Variants in POLE2 observed in about 807,000 individuals in gnomAD.
POLE2 encodes DNA polymerase epsilon subunit 2.
Under a neutral mutation model 79.4 loss-of-function variants are expected in POLE2, and 56 were observed. That is an observed-to-expected ratio of 0.71 (90% CI 0.57 to 0.88). The LOEUF is 0.88. POLE2 is among the 40% of genes least tolerant of loss of function. The probability of loss-of-function intolerance (pLI) is 0.00; values close to 1 mark genes in which losing one functional copy is unlikely to be tolerated. For missense variants in POLE2, 598 were observed against 638.9 expected (o/e 0.94, Z 0.69); for synonymous variants, 212 against 214.0 (o/e 0.99, Z 0.08).
intron 2 of POLE2, among the ~76,000 whole-genome samples, chr14:49,680,462 T>C (rs1886622383): frequency 6.6e-6 from 1 of 152,228 alleles, no homozygotes; most frequent in Admixed American, 6.5e-5. Flanking sequence ...CAATAGCAGC[T>C]ACCACTTATT....
chr14:49,651,553 A>G, intron 15 of POLE2, 176 bp from the exon 16 acceptor site: 1 of 424,896 alleles, frequency 2.4e-6, no homozygotes. Flanking sequence ...AGCTCTTAAT[A>G]TATGCCTACC....
Position 49,654,194 on chromosome 14 carries a change from G to C in POLE2, c.1094C>G (p.Pro365Arg). 1 of 1,610,376 alleles carries C rather than the reference G, an allele frequency of 6.2e-7. No individual in the cohort carries two copies. The highest frequency in any genetic ancestry group is 8.5e-7 in the Non-Finnish European group (1 of 1,177,724). ...IHQSSRFVFV[P>R]GPEDPGFGSI... ...ACCAAATCCAGGATCCTCTGGACCA[G>C]GTACAAACACAAAACGACTACTGTA... Residue 365 changes from proline to arginine, a missense_variant, in exon 14 of 19, where the codon CCT becomes CGT. Physicochemically the swap from Pro to Arg is moderately radical, Grantham distance 103. Coordinates refer to ENST00000216367, the MANE Select transcript of POLE2 (RefSeq NM_002692.4).
At chr14:49,681,644 C>T (rs910776761) in intron 2 of POLE2, among the ~76,000 whole-genome samples, 54 of 152,034 alleles carry the variant, frequency 3.6e-4, no homozygotes, top group African/African-American at 1.2e-3. Context: ...TGTGGTGGCA[C>T]GCACCTGTAG....
At chr14:49,669,379 A>G in intron 6 of POLE2, 145 bp downstream of exon 6, 1 of 584,518 alleles carries the variant, frequency 1.7e-6, no homozygotes, top group Non-Finnish European at 3.0e-6. Context: ...AATGGACTGT[A>G]TCAAAAGTGG....
In POLE2 at chr14:49,674,221, A is replaced by G. The variant is rs1489758177; in HGVS notation, c.324-5T>C. ...GGGTGGTTGGTCATTAACAGACTAG[A>G]AAAAGAGAATGCCTATTTTTGACTA... On this transcript the variant is annotated splice_region_variant and splice_polypyrimidine_tract_variant and intron_variant, in intron 4 of 18. Coordinates refer to ENST00000216367, the MANE Select transcript of POLE2 (RefSeq NM_002692.4). 1.3e-6 allele frequency: 2 copies of G among 1,592,486 alleles called. No homozygotes were observed. The highest frequency in any genetic ancestry group is 2.2e-5 in the South Asian group (2 of 90,618).
In POLE2 at chr14:49,652,171, G is replaced by A. The variant is rs1884300286; in HGVS notation, c.1212-794C>T. Among the ~76,000 whole-genome samples the A allele has an allele frequency of 7.8e-5, 3 of 38,298 alleles. 1 individual carries two copies. In the South Asian group the frequency reaches 1.6e-3, roughly 20 times the overall value. 25.1% of individuals were successfully genotyped at this position (38,298 alleles called of 152,430 possible). On this transcript the variant is annotated intron_variant, in intron 15 of 18. Transcript: ENST00000216367. Reference sequence around the variant, plus strand: ...CTGCGTTAAGAATAGAATACGGAGAGGAGAATGGCATGAACCCGGGAGGCG... The same window carrying A: ...CTGCGTTAAGAATAGAATACGGAGAAGAGAATGGCATGAACCCGGGAGGCG...
At chr14:49,654,955 T>G in intron 12 of POLE2, 50 bp downstream of exon 12, 1 of 1,375,982 alleles carries the variant, frequency 7.3e-7, no homozygotes, top group Non-Finnish European at 9.7e-7. Context: ...TCTTATTACT[T>G]TAGTTTATAT....
At chr14:49,650,102 T>C (rs540655146) in intron 17 of POLE2, 163 bp downstream of exon 17, 1 of 409,926 alleles carries the variant, frequency 2.4e-6, no homozygotes, top group African/African-American at 2.1e-5. Context: ...GTTTAAGAAC[T>C]TTCTGTGTAT....
Position 49,651,378 on chromosome 14 carries a change from C to A in POLE2, c.1212-1G>T. The A allele has an allele frequency of 7.7e-7, 1 of 1,300,730 alleles. No individual in the cohort carries two copies. Among genetic ancestry groups the A allele is most frequent in the Non-Finnish European group, 1.1e-6 (1 of 933,240 alleles). The allele number at this position is 1,300,730 out of a possible 1,614,324, so 80.6% of individuals were successfully genotyped here. On this transcript the variant is annotated splice_acceptor_variant, in intron 15 of 18. Coordinates refer to ENST00000216367, the MANE Select transcript of POLE2 (RefSeq NM_002692.4). LOFTEE classifies it high-confidence loss of function. ...AATTTCCTGTGTACAGTACTGAATT[C>A]TGAAATGAAAACAGTAGTTGAATTT...
chr14:49,685,984 G>A (rs577225214), intron 1 of POLE2, among the ~76,000 whole-genome samples: 1 of 152,238 alleles, frequency 6.6e-6, no homozygotes, highest in Non-Finnish European at 1.5e-5. Flanking sequence ...GTTCTTCCTT[G>A]ACTCTAGGGC....
intron 3 of POLE2, chr14:49,677,598 G>A: frequency 1.9e-6 from 1 of 528,578 alleles, no homozygotes; most frequent in Non-Finnish European, 3.4e-6. Flanking sequence ...TCCCTGAGCA[G>A]TCACTGTGTC....
intron 1 of POLE2, among the ~76,000 whole-genome samples, chr14:49,684,889 A>C (rs1321953025): frequency 6.6e-5 from 10 of 152,048 alleles, no homozygotes; most frequent in Non-Finnish European, 1.5e-5. Flanking sequence ...AGGAGGGAGA[A>C]CGGAGTGAAC....
In POLE2 at chr14:49,682,643, A is replaced by G. The variant is rs1282496152; in HGVS notation, c.169+950T>C. On this transcript the variant is annotated intron_variant, in intron 2 of 18. Coordinates refer to ENST00000216367, the MANE Select transcript of POLE2 (RefSeq NM_002692.4). ...CAGTGCAAGACTCCTTCTCAGGGAAAAAAAAAAAAAAAAAAAAAAAAAAGT... is the reference window on the plus strand; with the variant it reads ...CAGTGCAAGACTCCTTCTCAGGGAAGAAAAAAAAAAAAAAAAAAAAAAAGT... 2.5e-4 allele frequency among the ~76,000 whole-genome samples: 33 copies of G among 132,304 alleles called. 3 individuals carry two copies. Among genetic ancestry groups the G allele is most frequent in the African/African-American group, 1.1e-3 (29 of 26,452 alleles). 86.8% of individuals were successfully genotyped at this position (132,304 alleles called of 152,430 possible).
At chr14:49,669,315 T>A (rs1386021586) in intron 6 of POLE2, among the ~76,000 whole-genome samples, 2 of 152,192 alleles carry the variant, frequency 1.3e-5, no homozygotes, top group Non-Finnish European at 2.9e-5. Context: ...ATCAGGGCCT[T>A]CTCAAAGGAA....
At position 49,654,045 on chromosome 14, in the gene POLE2, T is replaced by A; in HGVS notation, c.1156A>T (p.Thr386Ser). The A allele has an allele frequency of 1.2e-6, 2 of 1,602,558 alleles. No individual in the cohort carries two copies. Among genetic ancestry groups the A allele is most frequent in the South Asian group, 2.2e-5 (2 of 90,740 alleles). ...LPRPPLAESI[T>S]NEFRQRVPFS... ...GGTACCCTTTGTCTGAATTCATTAG[T>A]GATGCTTTCAGCAAGTGGTGGCCTA... The change falls in exon 15 of 19, where the codon ACT (threonine) becomes TCT (serine). Residue 386 changes from threonine (T) to serine (S), a missense_variant. Physicochemically the swap from Thr to Ser is moderately conservative, Grantham distance 58 (BLOSUM62 1). Coordinates refer to ENST00000216367, the MANE Select transcript of POLE2 (RefSeq NM_002692.4).
intron 10 of POLE2, among the ~76,000 whole-genome samples, chr14:49,660,326 T>A (rs114855479): frequency 0.017 from 2,563 of 152,246 alleles, 74 homozygotes; most frequent in African/African-American, 0.058. Flanking sequence ...AACAACACAT[T>A]TCTCAGGATG....
intron 3 of POLE2, among the ~76,000 whole-genome samples, chr14:49,676,007 C>T (rs1222830472): frequency 1.3e-5 from 2 of 152,182 alleles, no homozygotes; most frequent in Non-Finnish European, 1.5e-5. Context: ...CTGCCTTGGC[C>T]TCCCAAAGTG....
intron 2 of POLE2, among the ~76,000 whole-genome samples, chr14:49,680,471 T>C (rs1000414145): frequency 6.6e-6 from 1 of 152,236 alleles, no homozygotes; most frequent in East Asian, 1.9e-4. Context: ...CTACCACTTA[T>C]TAAGCATTGA....
intron 3 of POLE2, chr14:49,678,006 T>TA (rs1012520283): frequency 8.5e-4 from 136 of 159,860 alleles, no homozygotes; most frequent in African/African-American, 3.2e-3. Context: ...TTATTTTATT[T>TA]TTTTTTTTTT....
Sources: allele counts gnomAD v4.1 joint callset (sites outside exome capture counted in the v4.1 genomes callset), GRCh38; gene constraint gnomAD v4.1.1; transcripts MANE v1.5; gene names NCBI Gene and HGNC (gene_info 2026-07-23, HGNC 2026-07-21).